PTK2: variants seen among roughly 807,000 people sequenced by gnomAD.
The protein encoded by PTK2 is focal adhesion kinase 1.
PTK2 carries 45 observed loss-of-function variants against 150.1 expected under a neutral mutation model. The ratio of observed to expected loss-of-function variants is 0.30; its 90% CI spans 0.24 to 0.38. PTK2 has a LOEUF of 0.38. Ranked by LOEUF, PTK2 falls within the 10% of genes least tolerant of loss-of-function variation. The pLI is 1.00. For synonymous variants in PTK2, 432 were observed against 449.2 expected, an observed-to-expected ratio of 0.96 and a Z score of 0.48; for missense variants, 919 against 1,307.3, an observed-to-expected ratio of 0.70 and a Z score of 4.58.
At chr8:140,982,367 G>A (rs1405853325) in intron 1 of PTK2, among the ~76,000 whole-genome samples, 1 of 152,248 alleles carries the variant, frequency 6.6e-6, no homozygotes, top group African/African-American at 2.4e-5. Flanking sequence ...GGGAGGCTGA[G>A]GCGGGCAGAT....
chr8:140,742,832 T>G (rs1364120586), intron 20 of PTK2, among the ~76,000 whole-genome samples: 1 of 152,232 alleles, frequency 6.6e-6, no homozygotes, highest in East Asian at 1.9e-4. Flanking sequence ...ACAGGGTCTT[T>G]GGCAGAACAA....
chr8:140,681,493 C>T (rs1425903255), intron 27 of PTK2, among the ~76,000 whole-genome samples: 6 of 149,220 alleles, frequency 4.0e-5, no homozygotes, highest in Admixed American at 1.3e-4. Flanking sequence ...AGCAGTTGGC[C>T]GGGCGCGGTG....
At chr8:140,795,732 C>A (rs959741900) in intron 12 of PTK2, among the ~76,000 whole-genome samples, 1 of 152,198 alleles carries the variant, frequency 6.6e-6, no homozygotes, top group Non-Finnish European at 1.5e-5. Flanking sequence ...ATGGAAGGAG[C>A]TCAACAACTA....
At chr8:140,983,922 AGGT>A (rs1342579223) in intron 1 of PTK2, 2 of 152,336 alleles carry the variant, frequency 1.3e-5, no homozygotes, top group Non-Finnish European at 2.9e-5. Context: ...TGGGAGGCCA[AGGT>A]GGGTGGATCA....
chr8:140,759,530 TAAAAAAAAA>T (rs761643170), intron 16 of PTK2, among the ~76,000 whole-genome samples: 3 of 58,064 alleles, frequency 5.2e-5, no homozygotes, highest in Non-Finnish European at 8.7e-5. Context: ...GACCCTGTCC[TAAAAAAAAA>T]AAAAAAAAAA....
intron 1 of PTK2, among the ~76,000 whole-genome samples, chr8:140,992,838 C>G (rs1051966146): frequency 6.6e-6 from 1 of 152,168 alleles, no homozygotes; most frequent in Non-Finnish European, 1.5e-5. Context: ...GCAAAAGACT[C>G]TGAACAAGGT....
chr8:140,825,034 A>G (rs1485048325), intron 8 of PTK2, among the ~76,000 whole-genome samples: 1 of 152,232 alleles, frequency 6.6e-6, no homozygotes, highest in African/African-American at 2.4e-5. Flanking sequence ...GCTAGCAACA[A>G]TAGATTCCTA....
chr8:140,696,988 G>GC (rs778394061), intron 26 of PTK2, among the ~76,000 whole-genome samples: 19 of 152,016 alleles, frequency 1.2e-4, no homozygotes, highest in Non-Finnish European at 2.6e-4. Context: ...ACAAAAATTA[G>GC]CTGGGCGTGG....
chr8:140,670,088 G>T (rs145649293), intron 29 of PTK2: 23 of 215,736 alleles, frequency 1.1e-4, no homozygotes, highest in African/African-American at 4.3e-4. Flanking sequence ...AGGACATATG[G>T]TTTTAATTAC....
In PTK2 at chr8:140,886,950, T is replaced by C. The variant is rs754353453; in HGVS notation, c.195+3593A>G. On this transcript the variant is annotated intron_variant, in intron 3 of 31. Coordinates refer to ENST00000522684, the Ensembl canonical transcript of PTK2. ...TCTAGATGACTGGTCTTATTCAACA[T>C]TGTACAGCCTGGGTTTCTCTTGGCT... is the stretch of plus-strand genomic sequence containing the variant. Among the ~76,000 whole-genome samples, 40 of 152,328 alleles carry C rather than the reference T, an allele frequency of 2.6e-4. 1 individual carries two copies. Among genetic ancestry groups the C allele is most frequent in the Non-Finnish European group, 4.4e-4 (30 of 68,034 alleles).
intron 2 of PTK2, among the ~76,000 whole-genome samples, chr8:140,899,940 G>A (rs1354251904): frequency 6.6e-6 from 1 of 151,944 alleles, no homozygotes; most frequent in East Asian, 1.9e-4. Context: ...ATAGGGTACA[G>A]AAGGAATATA....
chr8:140,734,662 A>G (rs1462755214), intron 22 of PTK2: 2 of 488,118 alleles, frequency 4.1e-6, no homozygotes, highest in Non-Finnish European at 8.2e-6. Flanking sequence ...CACCTGAACA[A>G]GCAATGGATG....
intron 13 of PTK2, 79 bp from the exon 14 acceptor site, chr8:140,789,605 T>A (rs1291267036): frequency 2.1e-6 from 3 of 1,399,330 alleles, no homozygotes; most frequent in Non-Finnish European, 2.9e-6. Context: ...AGTGGGGAAC[T>A]GCCTTGGATG....
chr8:140,978,059 T>G (rs935092850), intron 1 of PTK2, among the ~76,000 whole-genome samples: 1 of 152,186 alleles, frequency 6.6e-6, no homozygotes, highest in Non-Finnish European at 1.5e-5. Context: ...TAGCCATATG[T>G]AGAAAGCTGA....
chr8:140,681,329 G>C (rs2100016776), intron 27 of PTK2, among the ~76,000 whole-genome samples: 1 of 151,504 alleles, frequency 6.6e-6, no homozygotes, highest in Non-Finnish European at 1.5e-5. Context: ...CTCCAGCCTA[G>C]GTGACAGCGC....
chr8:140,931,329 C>G (rs1162266252), intron 1 of PTK2, among the ~76,000 whole-genome samples: 2 of 152,162 alleles, frequency 1.3e-5, no homozygotes, highest in African/African-American at 4.8e-5. Context: ...ACATACTCTT[C>G]TATACCTTCT....
intron 23 of PTK2, among the ~76,000 whole-genome samples, chr8:140,706,683 T>C (rs559151636): frequency 3.3e-5 from 5 of 152,242 alleles, no homozygotes; most frequent in South Asian, 4.1e-4. Context: ...CCTTAAAAAT[T>C]AAATAAAGAA....
intron 1 of PTK2, among the ~76,000 whole-genome samples, chr8:140,983,359 C>A (rs28512180): frequency 0.031 from 3,431 of 110,634 alleles, 159 homozygotes; most frequent in African/African-American, 0.11. Context: ...TCAGCCTGGG[C>A]AACAGAGTAA....
intron 2 of PTK2, among the ~76,000 whole-genome samples, chr8:140,916,961 A>G (rs2100165490): frequency 6.6e-6 from 1 of 152,240 alleles, no homozygotes; most frequent in African/African-American, 2.4e-5. Flanking sequence ...AGAATGGAAT[A>G]ACATGTATGT....
Sources: allele counts gnomAD v4.1 joint callset (sites outside exome capture counted in the v4.1 genomes callset), GRCh38; gene constraint gnomAD v4.1.1; transcripts MANE v1.5; gene names NCBI Gene and HGNC (gene_info 2026-07-23, HGNC 2026-07-21).